SS18: variants seen among roughly 807,000 people sequenced by gnomAD.
SS18 encodes the protein SS18 subunit of BAF chromatin remodeling complex, also known as protein SSXT.
In SS18, 28 loss-of-function variants were observed where a neutral mutation model predicts 72.5. The ratio of observed to expected loss-of-function variants is 0.39; its 90% CI spans 0.29 to 0.53. The LOEUF (loss-of-function observed/expected upper bound fraction) is 0.53, where lower values mean the gene tolerates loss of function less well. SS18 is among the 20% of genes least tolerant of loss of function. The probability of loss-of-function intolerance (pLI) is 0.76; values close to 1 mark genes in which losing one functional copy is unlikely to be tolerated. For missense variants in SS18, 518 were observed against 535.3 expected, an observed-to-expected ratio of 0.97 and a Z score of 0.32; for synonymous variants, 172 against 164.2, an observed-to-expected ratio of 1.05 and a Z score of -0.37.
chr18:26,021,152 A>G (rs1223262268), intron 10 of SS18, among the ~76,000 whole-genome samples: 1 of 152,206 alleles, frequency 6.6e-6, no homozygotes, highest in Non-Finnish European at 1.5e-5. Flanking sequence ...GCAACCATTA[A>G]CAAATTCCAA....
At chr18:26,069,141 C>T (rs1403987666) in intron 3 of SS18, among the ~76,000 whole-genome samples, 3 of 152,092 alleles carry the variant, frequency 2.0e-5, no homozygotes, top group East Asian at 3.9e-4. Context: ...GAATCTAATG[C>T]CCCTTTCCAT....
At chr18:26,037,611 A>T (rs2053647615) in intron 7 of SS18, among the ~76,000 whole-genome samples, 1 of 152,126 alleles carries the variant, frequency 6.6e-6, no homozygotes, top group Admixed American at 6.6e-5. Flanking sequence ...CCTAAATTGT[A>T]TCTTCTTGCT....
intron 10 of SS18, among the ~76,000 whole-genome samples, chr18:26,031,372 T>A (rs956137929): frequency 6.6e-6 from 1 of 152,202 alleles, no homozygotes; most frequent in African/African-American, 2.4e-5. Context: ...TAGTTACCAC[T>A]GCATCTGAGT....
intron 5 of SS18, among the ~76,000 whole-genome samples, chr18:26,042,623 TTAAG>T (rs2053749170): frequency 6.7e-6 from 1 of 150,346 alleles, no homozygotes. Context: ...TAATTTTATC[TTAAG>T]TCAGTGGTCA....
In SS18 at chr18:26,052,619, G is replaced by T. The variant is rs757702247; in HGVS notation, c.607+5C>A. 1.2e-6 allele frequency: 2 copies of T among 1,610,750 alleles called. No individual in the cohort carries two copies. The highest frequency in any genetic ancestry group is 1.7e-6 in the Non-Finnish European group (2 of 1,176,946). The stretch of plus-strand genomic sequence containing the variant: ...CTAGTCAAGAAGGACATAAAGCTTA[G>T]TTACCTTGGTTTGGCTGCATACTCA... On this transcript the variant is annotated splice_donor_5th_base_variant and intron_variant, in intron 5 of 10. Transcript: ENST00000415083.
chr18:26,038,476 C>A, intron 7 of SS18, 79 bp downstream of exon 7: 2 of 1,332,506 alleles, frequency 1.5e-6, no homozygotes, highest in Non-Finnish European at 2.1e-6. Context: ...TTCGTCCTCA[C>A]TGAAATGTTT....
intron 7 of SS18, among the ~76,000 whole-genome samples, chr18:26,037,350 A>T (rs2053643306): frequency 6.6e-6 from 1 of 152,116 alleles, no homozygotes. Context: ...ATTAAAAATT[A>T]AAAAATAGAA....
chr18:26,087,136 T>C (rs1468576324), intron 2 of SS18, among the ~76,000 whole-genome samples: 4 of 152,166 alleles, frequency 2.6e-5, no homozygotes, highest in African/African-American at 9.7e-5. Flanking sequence ...ACCTCGGAAG[T>C]ATTACACTAA....
intron 10 of SS18, chr18:26,023,637 A>G (rs1262805040): frequency 3.8e-6 from 2 of 530,972 alleles, no homozygotes; most frequent in Admixed American, 2.3e-5. Context: ...AGAATTCTAT[A>G]CCCAGAGAAA....
At chr18:26,042,445 A>G (rs1281525699) in intron 5 of SS18, among the ~76,000 whole-genome samples, 1 of 152,196 alleles carries the variant, frequency 6.6e-6, no homozygotes, top group East Asian at 1.9e-4. Context: ...GCAAGGGCAT[A>G]TAACAAACAC....
Position 26,090,563 on chromosome 18 carries a change from C to T in SS18, c.7G>A (p.Val3Met), listed in dbSNP as rs1036363828. The change falls in exon 1 of 11, where the codon GTG (valine) becomes ATG (methionine). Residue 3 changes from valine (V) to methionine (M), a missense_variant. Physicochemically the swap from Val to Met is conservative, Grantham distance 21 (BLOSUM62 1). Coordinates refer to ENST00000415083, the MANE Select transcript of SS18 (RefSeq NM_001007559.3). ...CGCTGCCTCGGGGCCGCGAAAGCCACAGACATGTTGCCGCCGTCACCACTA... is the reference window on the plus strand; with the variant it reads ...CGCTGCCTCGGGGCCGCGAAAGCCATAGACATGTTGCCGCCGTCACCACTA... MSVAFAAPRQRGK... is the reference protein window; with the variant it reads MSMAFAAPRQRGK... The T allele has an allele frequency of 6.3e-7, 1 of 1,584,656 alleles. No homozygotes were observed. Among genetic ancestry groups the T allele is most frequent in the Non-Finnish European group, 8.6e-7 (1 of 1,166,192 alleles).
intron 9 of SS18, 131 bp downstream of exon 9, chr18:26,034,874 C>G: frequency 8.5e-7 from 1 of 1,180,834 alleles, no homozygotes; most frequent in Non-Finnish European, 1.1e-6. Flanking sequence ...AACATTTTAA[C>G]AGTAGACTAG....
At chr18:26,059,518 G>C (rs1306305583) in intron 3 of SS18, among the ~76,000 whole-genome samples, 3 of 152,222 alleles carry the variant, frequency 2.0e-5, no homozygotes, top group Non-Finnish European at 4.4e-5. Context: ...GATTCCAGCT[G>C]CTGCTCACTG....
At chr18:26,041,436 C>T (rs2053721519) in intron 5 of SS18, among the ~76,000 whole-genome samples, 1 of 152,036 alleles carries the variant, frequency 6.6e-6, no homozygotes. Context: ...AAAACCAAAA[C>T]AAAACAAAAC....
intron 1 of SS18, chr18:26,090,285 A>C (rs2054698777): frequency 1.8e-6 from 1 of 568,346 alleles, no homozygotes; most frequent in South Asian, 2.1e-5. Context: ...CTGTAGAAAA[A>C]CGCGTAAATG....
chr18:26,055,405 T>C (rs187005571), intron 4 of SS18, among the ~76,000 whole-genome samples: 1,675 of 151,932 alleles, frequency 0.011, 17 homozygotes, highest in Middle Eastern at 0.048. Flanking sequence ...AGGCAGAGGT[T>C]GCAGTGAGCC....
chr18:26,075,255 C>T (rs148024482), intron 3 of SS18, among the ~76,000 whole-genome samples: 62 of 151,874 alleles, frequency 4.1e-4, no homozygotes, highest in African/African-American at 1.3e-3. Context: ...AAAAACCAGA[C>T]GAAGGCATTA....
intron 5 of SS18, among the ~76,000 whole-genome samples, chr18:26,042,961 G>C (rs1259922213): frequency 6.6e-6 from 1 of 152,068 alleles, no homozygotes; most frequent in East Asian, 1.9e-4. Context: ...TATAAAAATT[G>C]TATCATTAAT....
intron 2 of SS18, among the ~76,000 whole-genome samples, chr18:26,085,295 A>G (rs959014215): frequency 3.9e-5 from 6 of 152,202 alleles, no homozygotes; most frequent in Non-Finnish European, 7.3e-5. Flanking sequence ...TCAGCCTCCC[A>G]AAGTGCTGGG....
Sources: allele counts gnomAD v4.1 joint callset (sites outside exome capture counted in the v4.1 genomes callset), GRCh38; gene constraint gnomAD v4.1.1; transcripts MANE v1.5; gene names NCBI Gene and HGNC (gene_info 2026-07-23, HGNC 2026-07-21).